EAF2: variants seen among roughly 807,000 people sequenced by gnomAD.
The protein encoded by EAF2 is ELL associated factor 2.
EAF2 carries 29 observed loss-of-function variants against 29.4 expected under a neutral mutation model. The observed-to-expected ratio is 0.99, with a 90% confidence interval of 0.73 to 1.35. The LOEUF is 1.35. Ranked by LOEUF, EAF2 falls within the 40% of genes most tolerant of loss-of-function variation. EAF2 has a pLI of 0.00. For synonymous variants in EAF2, 103 were observed against 102.5 expected (o/e 1.00, Z -0.03); for missense variants, 292 against 312.0 (o/e 0.94, Z 0.48).
chr3:121,872,847 G>T, intron 5 of EAF2, 59 bp downstream of exon 5: 1 of 1,560,804 alleles, frequency 6.4e-7, no homozygotes, highest in Non-Finnish European at 8.6e-7. Context: ...GAGCCATATT[G>T]ATTGTGACCT....
chr3:121,858,488 T>C (rs1385075555), intron 4 of EAF2, among the ~76,000 whole-genome samples: 2 of 152,282 alleles, frequency 1.3e-5, no homozygotes, highest in Non-Finnish European at 1.5e-5. Context: ...TGTCTGTTCA[T>C]ATCCTTTGCC....
chr3:121,881,226 A>G (rs1709186376), intron 5 of EAF2, among the ~76,000 whole-genome samples: 1 of 152,208 alleles, frequency 6.6e-6, no homozygotes, highest in Non-Finnish European at 1.5e-5. Context: ...CTGGCCTCAT[A>G]GAATGAGTTT....
chr3:121,884,573 A>G (rs1709249563), intron 5 of EAF2, among the ~76,000 whole-genome samples: 1 of 151,498 alleles, frequency 6.6e-6, no homozygotes, highest in Non-Finnish European at 1.5e-5. Context: ...GACTACAGGC[A>G]TGTGCCACCA....
chr3:121,847,297 G>A (rs1708545868), intron 2 of EAF2, among the ~76,000 whole-genome samples: 1 of 152,188 alleles, frequency 6.6e-6, no homozygotes, highest in African/African-American at 2.4e-5. Context: ...ATCTCAGCCA[G>A]GGTACAGGGA....
chr3:121,876,554 AT>A (rs923514997), intron 5 of EAF2, among the ~76,000 whole-genome samples: 9 of 151,408 alleles, frequency 5.9e-5, no homozygotes, highest in South Asian at 4.2e-4. Context: ...CATTTGGAAA[AT>A]TTTTTTTTGA....
At position 121,886,478 on chromosome 3, in the gene EAF2, G is replaced by A; in HGVS notation, c.*90G>A. On this transcript the variant is annotated 3_prime_UTR_variant, in exon 6 of 6. Transcript: ENST00000273668. The stretch of plus-strand genomic sequence containing the variant: ...AAATTCCTAAGACTGAGGGAAATAT[G>A]TCTTAACTTTTGATGATAAAAGAAA... The A allele has an allele frequency of 1.5e-6, 1 of 682,356 alleles. No individual in the cohort carries two copies. The highest frequency in any genetic ancestry group is 4.1e-5 in the South Asian group (1 of 24,504). 42.3% of individuals were successfully genotyped at this position (682,356 alleles called of 1,614,324 possible). A position where few individuals can be genotyped will look rare whatever the true frequency, so the allele number is the denominator to read the frequency against.
At chr3:121,876,172 A>G (rs1026876483) in intron 5 of EAF2, among the ~76,000 whole-genome samples, 20 of 151,948 alleles carry the variant, frequency 1.3e-4, no homozygotes, top group African/African-American at 4.6e-4. Flanking sequence ...CAGAGAAGAC[A>G]AACTACAAAA....
Position 121,886,362 on chromosome 3 carries a change from G to T in EAF2, c.757G>T (p.Glu253Ter). The change falls in exon 6 of 6, where the codon GAA becomes TAA. Residue 253 changes from glutamate to a stop codon, truncating the protein, a stop_gained. Coordinates refer to ENST00000273668, the MANE Select transcript of EAF2 (RefSeq NM_018456.6). LOFTEE classifies it high-confidence loss of function. ...NTLRNDLQLS[E>*]SGSDSDD ...TTTAGGAAATGATTTGCAGCTGAGT[G>T]AATCAGGAAGTGACAGTGATGACTG... 2 of 1,488,104 alleles carry T rather than the reference G, an allele frequency of 1.3e-6. No homozygotes were observed. Among genetic ancestry groups the T allele is most frequent in the South Asian group, 3.0e-5 (2 of 67,498 alleles). The allele number at this position is 1,488,104 out of a possible 1,614,324, so 92.2% of individuals were successfully genotyped here.
intron 2 of EAF2, among the ~76,000 whole-genome samples, chr3:121,852,321 T>TG (rs1283581880): frequency 1.3e-5 from 2 of 152,208 alleles, no homozygotes; most frequent in African/African-American, 4.8e-5. Context: ...GTAACTATTT[T>TG]GGGGTATCTT....
At chr3:121,860,817 A>C (rs559049341) in intron 4 of EAF2, among the ~76,000 whole-genome samples, 1 of 152,078 alleles carries the variant, frequency 6.6e-6, no homozygotes, top group African/African-American at 2.4e-5. Flanking sequence ...TAGTGCTGTA[A>C]ATTTCCCTCT....
intron 5 of EAF2, among the ~76,000 whole-genome samples, chr3:121,884,057 A>G (rs766431626): frequency 6.6e-5 from 10 of 152,138 alleles, no homozygotes; most frequent in Non-Finnish European, 1.5e-4. Context: ...TATGAAATGC[A>G]TCAGGCAAGG....
At chr3:121,861,177 T>G (rs371084524) in intron 4 of EAF2, among the ~76,000 whole-genome samples, 2 of 152,030 alleles carry the variant, frequency 1.3e-5, no homozygotes, top group Non-Finnish European at 2.9e-5. Context: ...CTGTAGATGT[T>G]TATTAGGTCC....
At chr3:121,869,151 T>C (rs560531980) in intron 4 of EAF2, among the ~76,000 whole-genome samples, 3 of 152,300 alleles carry the variant, frequency 2.0e-5, no homozygotes, top group Admixed American at 2.0e-4. Context: ...AAATTAAAAA[T>C]ACATGCAGCT....
intron 3 of EAF2, among the ~76,000 whole-genome samples, chr3:121,855,227 C>T (rs903001192): frequency 1.3e-5 from 2 of 152,112 alleles, no homozygotes; most frequent in Non-Finnish European, 2.9e-5. Context: ...AAAACTTCTG[C>T]ATTTTATTCA....
chr3:121,856,135 T>C (rs1168701931), intron 3 of EAF2, among the ~76,000 whole-genome samples: 1 of 152,202 alleles, frequency 6.6e-6, no homozygotes, highest in African/African-American at 2.4e-5. Flanking sequence ...GAAAGAAAAG[T>C]ATATGAATCT....
At chr3:121,848,374 A>G (rs1049680985) in intron 2 of EAF2, among the ~76,000 whole-genome samples, 2 of 152,170 alleles carry the variant, frequency 1.3e-5, no homozygotes, top group African/African-American at 4.8e-5. Context: ...CAATGGAAAT[A>G]TACTTTGCTA....
intron 5 of EAF2, among the ~76,000 whole-genome samples, chr3:121,884,296 C>T (rs923379575): frequency 2.1e-5 from 3 of 142,006 alleles, no homozygotes; most frequent in Non-Finnish European, 4.5e-5. Flanking sequence ...GCTGAGATAG[C>T]GCCACTGTGC....
intron 1 of EAF2, among the ~76,000 whole-genome samples, chr3:121,841,529 AAAAAAAAAAAAAAAG>A (rs1559816490): frequency 1.3e-4 from 4 of 30,684 alleles, no homozygotes; most frequent in African/African-American, 5.1e-4. Context: ...AAAAAAAAAA[AAAAAAAAAAAAAAAG>A]AAAGAAAGAA....
chr3:121,857,104 T>C lies in EAF2; in HGVS notation c.432T>C (p.Ser144=). ...SARTPNLVKH[S]PSEDKMSPAS... ...GGACTCCCAATCTTGTAAAACATTC[T>C]CCATCTGAAGATAAGATGTCCCCAG... is the stretch of plus-strand genomic sequence containing the variant. Residue 144 remains serine (S), a synonymous_variant, in exon 4 of 6, where the codon TCT becomes TCC. Coordinates refer to ENST00000273668, the MANE Select transcript of EAF2 (RefSeq NM_018456.6). 1 of 1,613,812 alleles carries C rather than the reference T, an allele frequency of 6.2e-7. No individual in the cohort carries two copies.
Sources: allele counts gnomAD v4.1 joint callset (sites outside exome capture counted in the v4.1 genomes callset), GRCh38; gene constraint gnomAD v4.1.1; transcripts MANE v1.5; gene names NCBI Gene and HGNC (gene_info 2026-07-23, HGNC 2026-07-21).